The following DSG4 variants were observed in gnomAD, a reference collection of about 807,000 sequenced individuals.
The protein encoded by DSG4 is desmoglein 4.
DSG4 carries 87 observed loss-of-function variants against 93.1 expected under a neutral mutation model. That is an observed-to-expected ratio of 0.93 (90% CI 0.79 to 1.12). The LOEUF (loss-of-function observed/expected upper bound fraction) is 1.12. Ranked by LOEUF, DSG4 falls within the 50% of genes most tolerant of loss-of-function variation. DSG4 has a pLI of 0.00. For synonymous variants in DSG4, 432 were observed against 452.9 expected, an observed-to-expected ratio of 0.95 and a Z score of 0.59; for missense variants, 1,373 against 1,285.7, an observed-to-expected ratio of 1.07 and a Z score of -1.04.
chr18:31,398,261 G>A (rs1391662060), intron 8 of DSG4, among the ~76,000 whole-genome samples: 8 of 152,134 alleles, frequency 5.3e-5, no homozygotes, highest in African/African-American at 1.9e-4. Flanking sequence ...ATGTGCAAAA[G>A]GAATCAAAAT....
At chr18:31,404,538 C>T (rs2144205954) in intron 11 of DSG4, among the ~76,000 whole-genome samples, 1 of 152,228 alleles carries the variant, frequency 6.6e-6, no homozygotes, top group East Asian at 1.9e-4. Flanking sequence ...AGTCGGTGGC[C>T]ATCAGACTAC....
chr18:31,411,207 T>C, intron 14 of DSG4, 24 bp from the exon 15 acceptor site: 1 of 1,614,202 alleles, frequency 6.2e-7, no homozygotes, highest in East Asian at 2.2e-5. Flanking sequence ...CCAGCGCTGT[T>C]AAACCAACAT....
chr18:31,406,921 G>A (rs549196981), intron 12 of DSG4, among the ~76,000 whole-genome samples: 108 of 152,134 alleles, frequency 7.1e-4, no homozygotes, highest in African/African-American at 2.4e-3. Flanking sequence ...GGGACTACAG[G>A]CGCCCACCAC....
At chr18:31,407,214 CA>C (rs2072437947) in intron 12 of DSG4, among the ~76,000 whole-genome samples, 1 of 152,074 alleles carries the variant, frequency 6.6e-6, no homozygotes, top group East Asian at 1.9e-4. Context: ...AGCAGAGAGG[CA>C]AAAGGGAGTC....
chr18:31,395,477 A>G (rs1223965078), intron 8 of DSG4, among the ~76,000 whole-genome samples: 1 of 152,282 alleles, frequency 6.6e-6, no homozygotes, highest in East Asian at 1.9e-4. Context: ...TGATGTTTGT[A>G]TTACTACCTA....
chr18:31,394,739 A>G (rs984034710), intron 8 of DSG4, among the ~76,000 whole-genome samples: 1 of 152,106 alleles, frequency 6.6e-6, no homozygotes, highest in Non-Finnish European at 1.5e-5. Context: ...ACAAAGAGGA[A>G]TAGAGGAACA....
At chr18:31,402,638 T>C (rs1444288943) in intron 10 of DSG4, among the ~76,000 whole-genome samples, 1 of 152,132 alleles carries the variant, frequency 6.6e-6, no homozygotes, top group Admixed American at 6.6e-5. Context: ...CCTAGTAAGG[T>C]ACCCCAGAGA....
At chr18:31,403,077 C>A (rs1402549885) in intron 10 of DSG4, among the ~76,000 whole-genome samples, 2 of 151,998 alleles carry the variant, frequency 1.3e-5, no homozygotes, top group East Asian at 3.9e-4. Context: ...AACCAGTAAA[C>A]CTTCTCGGAG....
At position 31,413,255 on chromosome 18, in the gene DSG4, A is replaced by G. The variant is rs2072517346; in HGVS notation, c.2783A>G (p.Gln928Arg). 2 of 1,614,166 alleles carry G rather than the reference A, an allele frequency of 1.2e-6. No individual in the cohort carries two copies. The highest frequency in any genetic ancestry group is 1.7e-6 in the Non-Finnish European group (2 of 1,180,040). The change falls in exon 16 of 16, where the codon CAG (glutamine) becomes CGG (arginine). Residue 928 changes from glutamine to arginine, a missense_variant. Coordinates refer to ENST00000308128, the MANE Select transcript of DSG4 (RefSeq NM_177986.5). The stretch of plus-strand genomic sequence containing the variant: ...CCCACTACAATTATTTTTGATCCTC[A>G]GCTTGCACCCAATGTTGTAGTAACC... The part of the protein sequence containing the change: ...VQPTTIIFDP[Q>R]LAPNVVVTEA...
chr18:31,411,347 G>C lies in DSG4; in HGVS notation c.2254G>C (p.Ala752Pro). ...CCTCATGGCCGCAGGGGCCGCAGGA[G>C]CCTCAGGGGCCGCAAGGAAGAGGAG... The part of the protein sequence containing the change: ...VGLMAAGAAG[A>P]SGAARKRSST... Residue 752 changes from alanine to proline, a missense_variant, in exon 15 of 16, where the codon GCC (alanine) becomes CCC (proline). By Grantham distance (27) the Ala-to-Pro change is conservative. Transcript: ENST00000308128. 6.2e-7 allele frequency: 1 copy of C among 1,613,068 alleles called. No individual in the cohort carries two copies. The highest frequency in any genetic ancestry group is 8.5e-7 in the Non-Finnish European group (1 of 1,179,966).
chr18:31,396,752 C>T (rs2072310534), intron 8 of DSG4, among the ~76,000 whole-genome samples: 2 of 152,196 alleles, frequency 1.3e-5, no homozygotes, highest in Non-Finnish European at 2.9e-5. Context: ...CAAGAACCAA[C>T]TGGAACTTTC....
intron 8 of DSG4, among the ~76,000 whole-genome samples, chr18:31,398,026 CAAAAAAAAA>C (rs58572396): frequency 1.2e-5 from 1 of 80,810 alleles, no homozygotes; most frequent in Non-Finnish European, 2.4e-5. Context: ...GACCCTGTCT[CAAAAAAAAA>C]AAAAAAAAAA....
intron 1 of DSG4, among the ~76,000 whole-genome samples, chr18:31,380,584 A>G (rs534219326): frequency 7.2e-5 from 11 of 152,300 alleles, no homozygotes; most frequent in Admixed American, 5.9e-4. Flanking sequence ...GCCATTATTG[A>G]TACACCTTCC....
rs1405144236 is a variant in DSG4 at position 31,407,139 on chromosome 18, AC to A, written c.1933+767del. On this transcript the variant is annotated intron_variant, in intron 12 of 15. Coordinates refer to ENST00000308128, the MANE Select transcript of DSG4 (RefSeq NM_177986.5). ...TTGAAAGGTAATCAAACACACACAC[AC>A]AAAAAAAAACCACACACACAAACAA... Among the ~76,000 whole-genome samples, 31 of 152,028 alleles carry A rather than the reference AC, an allele frequency of 2.0e-4. 1 individual carries two copies. The South Asian group carries it at 5.8e-3, about 29-fold the overall frequency.
chr18:31,411,797 A>G (rs1353076729), intron 15 of DSG4, among the ~76,000 whole-genome samples: 2 of 152,148 alleles, frequency 1.3e-5, no homozygotes, highest in Non-Finnish European at 2.9e-5. Context: ...AAAAAGGTGC[A>G]TTTATGACCT....
chr18:31,390,156 G>A (rs1196040067), intron 5 of DSG4, among the ~76,000 whole-genome samples: 5 of 152,092 alleles, frequency 3.3e-5, no homozygotes, highest in African/African-American at 4.8e-5. Flanking sequence ...TGACTGTTTG[G>A]TAAAATGCTA....
Position 31,413,063 on chromosome 18 carries a change from T to A in DSG4, c.2591T>A (p.Ile864Asn), listed in dbSNP as rs1357360640. The change falls in exon 16 of 16, where the codon ATC becomes AAC. Residue 864 changes from isoleucine (I) to asparagine (N), a missense_variant. Ile to Asn is a moderately radical substitution (Grantham distance 149). Transcript: ENST00000308128. ...PFPSHQACIP[I>N]STDLPLLGPN... ...CCTTCACACCAGGCTTGTATACCAA[T>A]CAGTACTGACCTCCCTTTGCTCGGA... 6.2e-7 allele frequency: 1 copy of A among 1,614,058 alleles called. No homozygotes were observed. Among genetic ancestry groups the A allele is most frequent in the African/African-American group, 1.3e-5 (1 of 74,928 alleles).
At chr18:31,398,830 C>T (rs1424710400) in intron 8 of DSG4, among the ~76,000 whole-genome samples, 2 of 151,950 alleles carry the variant, frequency 1.3e-5, no homozygotes, top group Non-Finnish European at 2.9e-5. Context: ...TATATTAGCA[C>T]CTTTATTCTG....
chr18:31,379,363 T>C (rs74517377), intron 1 of DSG4, among the ~76,000 whole-genome samples: 2,250 of 152,324 alleles, frequency 0.015, 44 homozygotes, highest in African/African-American at 0.052. Flanking sequence ...TTATCTCCAC[T>C]GAATACTTAC....
Sources: gnomAD v4.1 joint callset for allele counts (sites outside exome capture counted in the v4.1 genomes callset) on GRCh38, gnomAD v4.1.1 for gene constraint, MANE v1.5 for transcripts, NCBI Gene and HGNC (gene_info 2026-07-23, HGNC 2026-07-21) for gene names.